Variants in MAPK10 observed in about 807,000 individuals in gnomAD.
MAPK10 encodes JNK3 alpha protein kinase.
MAPK10 carries 25 observed loss-of-function variants against 59.3 expected under a neutral mutation model. The ratio of observed to expected loss-of-function variants is 0.42; its 90% CI spans 0.31 to 0.59. The LOEUF (loss-of-function observed/expected upper bound fraction) is 0.59. Ranked by LOEUF, MAPK10 falls within the 20% of genes least tolerant of loss-of-function variation. MAPK10 has a pLI of 0.15. For missense variants in MAPK10, 351 were observed against 568.9 expected (o/e 0.62, Z 3.90); for synonymous variants, 190 against 200.5 (o/e 0.95, Z 0.44).
intron 4 of MAPK10, chr4:86,107,740 T>C: frequency 1.4e-6 from 1 of 721,152 alleles, no homozygotes; most frequent in African/African-American, 1.9e-5. Context: ...ATTTAATCTC[T>C]CTGAGCTTGA....
chr4:86,503,210 A>G (rs1755460638), intron 1 of MAPK10, among the ~76,000 whole-genome samples: 1 of 152,074 alleles, frequency 6.6e-6, no homozygotes, highest in African/African-American at 2.4e-5. Context: ...CTCATCATGC[A>G]ATTTCAAAAT....
chr4:86,335,300 G>A (rs186367952), intron 2 of MAPK10: 4 of 152,174 alleles, frequency 2.6e-5, no homozygotes, highest in Non-Finnish European at 4.4e-5. Context: ...AGACTGCAAA[G>A]GTTGTAGAAG....
intron 11 of MAPK10, among the ~76,000 whole-genome samples, chr4:86,060,410 A>T (rs1010935571): frequency 6.6e-6 from 1 of 151,948 alleles, no homozygotes; most frequent in African/African-American, 2.4e-5. Context: ...AAAGCTATTT[A>T]AAAAAAATAG....
chr4:86,584,072 G>A (rs946892860), intron 1 of MAPK10, among the ~76,000 whole-genome samples: 1 of 152,114 alleles, frequency 6.6e-6, no homozygotes, highest in Non-Finnish European at 1.5e-5. Flanking sequence ...GGTGTATGTA[G>A]GGTGATAATC....
At chr4:86,407,952 G>A (rs932634505) in intron 1 of MAPK10, among the ~76,000 whole-genome samples, 1 of 151,976 alleles carries the variant, frequency 6.6e-6, no homozygotes, top group Non-Finnish European at 1.5e-5. Flanking sequence ...TGTGCACAAT[G>A]TTCAGGTTTG....
At chr4:86,091,951 C>A (rs1197595738) in intron 9 of MAPK10, among the ~76,000 whole-genome samples, 1 of 152,074 alleles carries the variant, frequency 6.6e-6, no homozygotes, top group Non-Finnish European at 1.5e-5. Flanking sequence ...GGATTACAGG[C>A]ATGAGACACC....
At chr4:86,502,681 G>C (rs1052561688) in intron 1 of MAPK10, among the ~76,000 whole-genome samples, 14 of 151,950 alleles carry the variant, frequency 9.2e-5, no homozygotes, top group Admixed American at 2.0e-4. Context: ...TCCCACTACA[G>C]AGAATTCTTC....
intron 2 of MAPK10, among the ~76,000 whole-genome samples, chr4:86,332,296 A>G (rs190931623): frequency 5.9e-4 from 90 of 152,348 alleles, no homozygotes; most frequent in Middle Eastern, 3.4e-3. Flanking sequence ...TTACATTTAA[A>G]TGCATCATTT....
intron 2 of MAPK10, among the ~76,000 whole-genome samples, chr4:86,353,319 A>G (rs2148966719): frequency 6.6e-6 from 1 of 152,320 alleles, no homozygotes; most frequent in Non-Finnish European, 1.5e-5. Context: ...TATCTGCCCC[A>G]AAAGCTAAAC....
At chr4:86,262,395 A>AC (rs1461981460) in intron 2 of MAPK10, among the ~76,000 whole-genome samples, 1 of 152,100 alleles carries the variant, frequency 6.6e-6, no homozygotes. Context: ...AGTTTCCAGT[A>AC]CCCTGTTGTA....
chr4:86,242,052 G>A (rs929058444), intron 2 of MAPK10, among the ~76,000 whole-genome samples: 1 of 151,986 alleles, frequency 6.6e-6, no homozygotes, highest in African/African-American at 2.4e-5. Flanking sequence ...GGTGGTGGTG[G>A]TGTTGTTATT....
intron 1 of MAPK10, among the ~76,000 whole-genome samples, chr4:86,419,691 A>G (rs1011011381): frequency 6.6e-6 from 1 of 152,206 alleles, no homozygotes; most frequent in African/African-American, 2.4e-5. Flanking sequence ...ATGTTCACTG[A>G]CATTAGAGAA....
chr4:86,048,610 A>C (rs2042950245), intron 11 of MAPK10, among the ~76,000 whole-genome samples: 2 of 152,148 alleles, frequency 1.3e-5, no homozygotes, highest in South Asian at 4.1e-4. Flanking sequence ...CTCCTACATA[A>C]GTAACATGAA....
intron 1 of MAPK10, among the ~76,000 whole-genome samples, chr4:86,366,139 A>G (rs1286018014): frequency 6.6e-6 from 1 of 152,176 alleles, no homozygotes; most frequent in East Asian, 1.9e-4. Context: ...AAATAAGACA[A>G]AAAAGAGTAT....
intron 2 of MAPK10, among the ~76,000 whole-genome samples, chr4:86,307,744 A>G (rs1159306400): frequency 1.3e-5 from 2 of 152,152 alleles, no homozygotes; most frequent in Non-Finnish European, 2.9e-5. Context: ...AATAGGGAAT[A>G]GTAGAGTGGT....
chr4:86,255,562 A>G (rs532575519), intron 2 of MAPK10, among the ~76,000 whole-genome samples: 4 of 152,342 alleles, frequency 2.6e-5, no homozygotes, highest in South Asian at 2.1e-4. Flanking sequence ...ACCACACCAT[A>G]TATCTAACTC....
chr4:86,286,442 CAT>C (rs2095014646), intron 2 of MAPK10, among the ~76,000 whole-genome samples: 1 of 152,126 alleles, frequency 6.6e-6, no homozygotes, highest in Non-Finnish European at 1.5e-5. Flanking sequence ...TTACAAATAA[CAT>C]GTGTAGCACT....
chr4:86,457,157 TC>T (rs752391631), upstream of MAPK10, among the ~76,000 whole-genome samples: 63 of 152,266 alleles, frequency 4.1e-4, no homozygotes, highest in Non-Finnish European at 7.2e-4. Context: ...AGGACATACT[TC>T]AATGTAATAA....
At chr4:86,324,107 A>C (rs1445054553) in intron 2 of MAPK10, among the ~76,000 whole-genome samples, 3 of 152,180 alleles carry the variant, frequency 2.0e-5, no homozygotes, top group Non-Finnish European at 4.4e-5. Flanking sequence ...CATTTTATAC[A>C]TTATAAGAGC....
Sources: allele counts gnomAD v4.1 joint callset (sites outside exome capture counted in the v4.1 genomes callset), GRCh38; gene constraint gnomAD v4.1.1; transcripts MANE v1.5; gene names NCBI Gene and HGNC (gene_info 2026-07-23, HGNC 2026-07-21).